The following ARID5B variants were observed in gnomAD, a reference collection of about 807,000 sequenced individuals.
The protein encoded by ARID5B is AT-rich interactive domain-containing protein 5B.
A neutral mutation model predicts 97.2 loss-of-function variants in ARID5B; 13 were observed. That is an observed-to-expected ratio of 0.13 (90% CI 0.09 to 0.21). The LOEUF is 0.21. Ranked by LOEUF, ARID5B falls within the 10% of genes least tolerant of loss-of-function variation. The pLI is 1.00. For synonymous variants in ARID5B, 556 were observed against 570.3 expected (o/e 0.97, Z 0.36); for missense variants, 1,210 against 1,465.3 (o/e 0.83, Z 2.84).
chr10:61,957,489 G>A (rs1838407564), intron 3 of ARID5B, among the ~76,000 whole-genome samples: 2 of 152,126 alleles, frequency 1.3e-5, no homozygotes, highest in South Asian at 4.1e-4. Context: ...GGCTGGTCTC[G>A]AACTCGTGGC....
chr10:61,944,522 A>C (rs1844469441), intron 3 of ARID5B, among the ~76,000 whole-genome samples: 1 of 152,258 alleles, frequency 6.6e-6, no homozygotes, highest in Admixed American at 6.5e-5. Flanking sequence ...TTTGAAAAAA[A>C]AATCAAATTA....
At chr10:61,998,875 G>T (rs1285621317) in intron 3 of ARID5B, among the ~76,000 whole-genome samples, 1 of 152,188 alleles carries the variant, frequency 6.6e-6, no homozygotes, top group East Asian at 1.9e-4. Context: ...CACTGCTTTA[G>T]AACAACAAAG....
At chr10:61,997,725 T>A (rs1839020686) in intron 3 of ARID5B, among the ~76,000 whole-genome samples, 2 of 152,206 alleles carry the variant, frequency 1.3e-5, no homozygotes, top group South Asian at 4.1e-4. Context: ...ATTAACAATG[T>A]CTTAGACAAA....
At chr10:62,074,425 T>C (rs1840101893) in intron 8 of ARID5B, among the ~76,000 whole-genome samples, 1 of 151,986 alleles carries the variant, frequency 6.6e-6, no homozygotes, top group South Asian at 2.1e-4. Flanking sequence ...AGGTGAGCTG[T>C]ACCCAAGCCA....
chr10:62,024,858 G>T, intron 4 of ARID5B: 1 of 363,532 alleles, frequency 2.8e-6, no homozygotes, highest in East Asian at 3.8e-5. Context: ...TTAAAATATC[G>T]AGAATGGCTC....
intron 4 of ARID5B, among the ~76,000 whole-genome samples, chr10:62,030,887 T>C (rs1839488720): frequency 6.6e-6 from 1 of 152,192 alleles, no homozygotes; most frequent in Non-Finnish European, 1.5e-5. Context: ...TTTTCTGATA[T>C]CAGTTTCAAA....
At chr10:61,981,940 A>C (rs1178860482) in intron 3 of ARID5B, among the ~76,000 whole-genome samples, 1 of 152,256 alleles carries the variant, frequency 6.6e-6, no homozygotes, top group African/African-American at 2.4e-5. Context: ...GGGTTTCTGC[A>C]GGGTTTCACT....
rs550192561 is a variant in ARID5B, at chr10:62,023,833, G to C, written c.733+23512G>C. 2.0e-5 allele frequency among the ~76,000 whole-genome samples: 3 copies of C among 152,296 alleles called. No individual in the cohort carries two copies. The South Asian group carries it at 6.2e-4, about 32-fold the overall frequency. ...CTGTTCTGCCCTGAACTGTGCCCTA[G>C]GCACATTGAAGGACACAGACTGTTT... On this transcript the variant is annotated intron_variant, in intron 4 of 9. Transcript: ENST00000279873.
At chr10:62,043,468 C>T (rs945555836) in intron 4 of ARID5B, among the ~76,000 whole-genome samples, 10 of 152,178 alleles carry the variant, frequency 6.6e-5, no homozygotes, top group Non-Finnish European at 1.5e-4. Flanking sequence ...TTCTCCCTTG[C>T]CTCAAGACAC....
At chr10:62,069,666 T>G (rs778556109) in intron 7 of ARID5B, 34 bp from the exon 8 acceptor site, 100 of 1,562,292 alleles carry the variant, frequency 6.4e-5, no homozygotes, top group Non-Finnish European at 8.6e-5. Context: ...TCTCTTATGA[T>G]GTAAGATTGA....
intron 2 of ARID5B, among the ~76,000 whole-genome samples, chr10:61,909,558 C>T (rs1415332703): frequency 1.3e-5 from 2 of 152,152 alleles, no homozygotes; most frequent in African/African-American, 4.8e-5. Flanking sequence ...ATCTCCTGAC[C>T]TCGTGATCCA....
chr10:62,019,775 A>C (rs936342948), intron 4 of ARID5B, among the ~76,000 whole-genome samples: 1 of 152,172 alleles, frequency 6.6e-6, no homozygotes, highest in African/African-American at 2.4e-5. Flanking sequence ...TCCATCATAC[A>C]CTTTTAGTCT....
intron 4 of ARID5B, among the ~76,000 whole-genome samples, chr10:62,007,806 C>G (rs1839164735): frequency 1.3e-5 from 2 of 152,026 alleles, no homozygotes; most frequent in African/African-American, 4.8e-5. Context: ...GTTTGTTTGT[C>G]CCTCTGCATG....
intron 3 of ARID5B, among the ~76,000 whole-genome samples, chr10:61,955,599 A>G (rs1038507280): frequency 2.6e-5 from 4 of 152,198 alleles, no homozygotes; most frequent in African/African-American, 7.2e-5. Context: ...TAGTAATGTC[A>G]TCTTTACTAT....
intron 4 of ARID5B, among the ~76,000 whole-genome samples, chr10:62,040,277 G>C (rs1192609571): frequency 1.3e-5 from 2 of 152,026 alleles, no homozygotes; most frequent in East Asian, 3.8e-4. Context: ...ATGATTACCA[G>C]ATTTGAATTT....
At chr10:62,018,412 A>G (rs574105577) in intron 4 of ARID5B, among the ~76,000 whole-genome samples, 197 of 152,324 alleles carry the variant, frequency 1.3e-3, no homozygotes, top group Non-Finnish European at 1.7e-3. Context: ...CTTCGTCACC[A>G]CAGATAATCA....
chr10:61,925,931 C>G (rs931016031), intron 2 of ARID5B, among the ~76,000 whole-genome samples: 6 of 152,224 alleles, frequency 3.9e-5, no homozygotes, highest in African/African-American at 1.2e-4. Context: ...TCCTCTTGTG[C>G]CCGGATGGAT....
chr10:61,932,820 T>A (rs1312043863), intron 2 of ARID5B, among the ~76,000 whole-genome samples: 1 of 152,130 alleles, frequency 6.6e-6, no homozygotes. Flanking sequence ...CTTTTTGTGG[T>A]CATTTCAGCA....
chr10:61,995,340 T>C (rs1838982162), intron 3 of ARID5B, among the ~76,000 whole-genome samples: 1 of 152,214 alleles, frequency 6.6e-6, no homozygotes, highest in Non-Finnish European at 1.5e-5. Flanking sequence ...CACAGGAGTG[T>C]TTACTTATGT....
Sources: allele counts gnomAD v4.1 joint callset (sites outside exome capture counted in the v4.1 genomes callset), GRCh38; gene constraint gnomAD v4.1.1; transcripts MANE v1.5; gene names NCBI Gene and HGNC (gene_info 2026-07-23, HGNC 2026-07-21).